Variants in FBXL7 observed in about 807,000 individuals in gnomAD.
The protein encoded by FBXL7 is F-box/LRR-repeat protein 7.
FBXL7 carries 12 observed loss-of-function variants against 38.3 expected under a neutral mutation model. The observed-to-expected ratio is 0.31, with a 90% confidence interval of 0.20 to 0.51. The LOEUF (loss-of-function observed/expected upper bound fraction) is 0.51, where lower values mean the gene tolerates loss of function less well. FBXL7 is among the 20% of genes least tolerant of loss of function. The probability of loss-of-function intolerance (pLI) is 0.98; values close to 1 mark genes in which losing one functional copy is unlikely to be tolerated. For missense variants in FBXL7, 567 were observed against 676.4 expected, an observed-to-expected ratio of 0.84 and a Z score of 1.79; for synonymous variants, 297 against 300.9, an observed-to-expected ratio of 0.99 and a Z score of 0.13.
At chr5:15,810,878 A>G (rs423447) in intron 2 of FBXL7, among the ~76,000 whole-genome samples, 81,104 of 152,054 alleles carry the variant, frequency 0.53, 22,897 homozygotes, top group Non-Finnish European at 0.64. Flanking sequence ...GGTTCCCAGT[A>G]GGCACTTAAC....
intron 2 of FBXL7, among the ~76,000 whole-genome samples, chr5:15,879,057 AT>A (rs1197409772): frequency 1.1e-4 from 17 of 152,198 alleles, no homozygotes; most frequent in Admixed American, 1.1e-3. Flanking sequence ...CTGGGTAACA[AT>A]TTCACTTGTT....
chr5:15,732,131 T>C (rs775599917), intron 2 of FBXL7, among the ~76,000 whole-genome samples: 12 of 152,236 alleles, frequency 7.9e-5, no homozygotes, highest in Non-Finnish European at 1.3e-4. Context: ...ATTTAGTATT[T>C]AAAGGTTAGT....
chr5:15,510,670 T>C (rs577034878), intron 1 of FBXL7, among the ~76,000 whole-genome samples: 2 of 152,240 alleles, frequency 1.3e-5, no homozygotes, highest in Non-Finnish European at 2.9e-5. Flanking sequence ...AATGTTCTAC[T>C]TAACTCTCTT....
chr5:15,774,663 G>T (rs1736815642), intron 2 of FBXL7, among the ~76,000 whole-genome samples: 1 of 152,312 alleles, frequency 6.6e-6, no homozygotes, highest in Non-Finnish European at 1.5e-5. Flanking sequence ...ATATTAACCT[G>T]ATTGAAGAAG....
rs971577210 is a variant in FBXL7, at chr5:15,928,644, G to A, written c.739+143G>A. 118 of 1,032,384 alleles carry A rather than the reference G, an allele frequency of 1.1e-4. 2 individuals are homozygous for A. Among genetic ancestry groups the A allele is most frequent in the South Asian group, 7.4e-4 (46 of 62,394 alleles). 64.0% of individuals were successfully genotyped at this position (1,032,384 alleles called of 1,614,324 possible). ...TGGTAGGGAGGCTGGCTTTTGCAGA[G>A]AAACTGTCTCTATGGAATCATGACC... On this transcript the variant is annotated intron_variant, in intron 3 of 3. Coordinates refer to ENST00000504595, the MANE Select transcript of FBXL7 (RefSeq NM_012304.5). This position sits in a 1 kb window ranked among gnomAD's most constrained non-coding sequence, Gnocchi z 4.0.
chr5:15,564,643 A>T lies in FBXL7; in HGVS notation c.38-51340A>T, dbSNP rs112487642. Among the ~76,000 whole-genome samples, 744 of 152,192 alleles carry T rather than the reference A, an allele frequency of 4.9e-3. 4 individuals are homozygous for T. Among genetic ancestry groups the T allele is most frequent in the African/African-American group, 0.017 (696 of 41,550 alleles). ...GAAAGAAAATCTTATTTATTATTTAACTGCTCTGTGATTTCAGTTTCTTCT... is the reference window on the plus strand; with the variant it reads ...GAAAGAAAATCTTATTTATTATTTATCTGCTCTGTGATTTCAGTTTCTTCT... On this transcript the variant is annotated intron_variant, in intron 1 of 3. Coordinates refer to ENST00000504595, the MANE Select transcript of FBXL7 (RefSeq NM_012304.5).
chr5:15,775,238 GA>G (rs1459005526), intron 2 of FBXL7, among the ~76,000 whole-genome samples: 1 of 152,114 alleles, frequency 6.6e-6, no homozygotes, highest in African/African-American at 2.4e-5. Context: ...TTGAATAGCA[GA>G]AAAACATTTA....
chr5:15,597,206 T>G (rs1430860740), intron 1 of FBXL7, among the ~76,000 whole-genome samples: 1 of 152,142 alleles, frequency 6.6e-6, no homozygotes, highest in African/African-American at 2.4e-5. Context: ...GATTGCTTGC[T>G]TGCTTGTTGG....
chr5:15,653,493 C>A (rs1741776385), intron 2 of FBXL7, among the ~76,000 whole-genome samples: 1 of 152,062 alleles, frequency 6.6e-6, no homozygotes, highest in African/African-American at 2.4e-5. Context: ...TGTCTGTGGG[C>A]CTGATTTTCC....
intron 1 of FBXL7, among the ~76,000 whole-genome samples, chr5:15,537,918 A>G (rs2126402554): frequency 6.6e-6 from 1 of 152,314 alleles, no homozygotes; most frequent in East Asian, 1.9e-4. Context: ...CCAGCTAGAG[A>G]AAAGGGCCTC....
chr5:15,892,188 C>T (rs1432751877), intron 2 of FBXL7, among the ~76,000 whole-genome samples: 1 of 152,238 alleles, frequency 6.6e-6, no homozygotes, highest in Non-Finnish European at 1.5e-5. Flanking sequence ...TTGAAGACAA[C>T]ACTCCAACCA....
intron 2 of FBXL7, among the ~76,000 whole-genome samples, chr5:15,650,365 G>C (rs1741666360): frequency 6.6e-6 from 1 of 152,192 alleles, no homozygotes. Flanking sequence ...TTGCTAAAAA[G>C]TGCTGACGAT....
chr5:15,842,996 A>G (rs1213621742), intron 2 of FBXL7, among the ~76,000 whole-genome samples: 3 of 152,256 alleles, frequency 2.0e-5, no homozygotes, highest in Non-Finnish European at 4.4e-5. Flanking sequence ...ATATAAGGTT[A>G]TATACAAATG....
chr5:15,586,590 C>T (rs1464025556), intron 1 of FBXL7, among the ~76,000 whole-genome samples: 1 of 151,982 alleles, frequency 6.6e-6, no homozygotes, highest in African/African-American at 2.4e-5. Context: ...AGATCTCTAG[C>T]TCATGTTTCA....
chr5:15,935,005 T>C (rs1179040065), intron 3 of FBXL7, among the ~76,000 whole-genome samples: 1 of 151,994 alleles, frequency 6.6e-6, no homozygotes, highest in Non-Finnish European at 1.5e-5. Context: ...ACAAGCATGG[T>C]TGGGGACAAA....
chr5:15,932,618 C>T (rs1186679972), intron 3 of FBXL7, among the ~76,000 whole-genome samples: 1 of 152,136 alleles, frequency 6.6e-6, no homozygotes, highest in Non-Finnish European at 1.5e-5. Flanking sequence ...TTTCAGACAC[C>T]CTAAGTTTCA....
At chr5:15,759,338 T>G (rs891958591) in intron 2 of FBXL7, among the ~76,000 whole-genome samples, 13 of 152,178 alleles carry the variant, frequency 8.5e-5, no homozygotes, top group African/African-American at 2.9e-4. Flanking sequence ...ATTTAAACTT[T>G]CCTCACTTTT....
intron 2 of FBXL7, among the ~76,000 whole-genome samples, chr5:15,833,786 C>A (rs1219085235): frequency 6.6e-6 from 1 of 152,222 alleles, no homozygotes; most frequent in East Asian, 1.9e-4. Flanking sequence ...CAGTCCATCA[C>A]TTTCCCTTTC....
intron 2 of FBXL7, among the ~76,000 whole-genome samples, chr5:15,620,537 A>G (rs1250751345): frequency 6.6e-6 from 1 of 151,424 alleles, no homozygotes; most frequent in East Asian, 1.9e-4. Flanking sequence ...GGCGTGAGCC[A>G]CCGCACCTGG....
Sources: gnomAD v4.1 joint callset for allele counts (sites outside exome capture counted in the v4.1 genomes callset) on GRCh38, gnomAD v4.1.1 for gene constraint, Gnocchi (gnomAD v3.1) non-coding constraint, MANE v1.5 for transcripts, NCBI Gene and HGNC (gene_info 2026-07-23, HGNC 2026-07-21) for gene names.